Variants in KIF26B observed in about 807,000 individuals in gnomAD.
KIF26B encodes kinesin-like protein KIF26B.
KIF26B carries 63 observed loss-of-function variants against 151.2 expected under a neutral mutation model. The observed-to-expected ratio is 0.42, with a 90% confidence interval of 0.34 to 0.51. The LOEUF (loss-of-function observed/expected upper bound fraction) is 0.51, where lower values mean the gene tolerates loss of function less well. KIF26B is among the 20% of genes least tolerant of loss of function. KIF26B has a pLI of 0.07. For missense variants in KIF26B, 2,813 were observed against 2,913.6 expected (o/e 0.97, Z 0.79); for synonymous variants, 1,357 against 1,262.1 (o/e 1.08, Z -1.59).
intron 9 of KIF26B, among the ~76,000 whole-genome samples, chr1:245,618,574 G>C (rs1483972087): frequency 6.6e-6 from 1 of 150,618 alleles, no homozygotes; most frequent in Non-Finnish European, 1.5e-5. Flanking sequence ...TGTGCTGTTT[G>C]TGAGCTTGTC....
intron 2 of KIF26B, among the ~76,000 whole-genome samples, chr1:245,229,685 A>G (rs542021782): frequency 2.6e-5 from 4 of 152,380 alleles, no homozygotes; most frequent in African/African-American, 9.6e-5. Flanking sequence ...TATTGAAAGT[A>G]CTGATTAAAA....
rs1553334220 is a variant in KIF26B, at chr1:245,202,945, A to AAAAAAC, written c.465+46266_465+46267insACAAAA. 1.1e-4 allele frequency among the ~76,000 whole-genome samples: 17 copies of AAAAAAC among 148,710 alleles called. No individual in the cohort carries two copies. The South Asian group carries it at 1.5e-3, about 13-fold the overall frequency. On this transcript the variant is annotated intron_variant, in intron 2 of 14. Coordinates refer to ENST00000407071, the MANE Select transcript of KIF26B (RefSeq NM_018012.4). Reference sequence around the variant, plus strand: ...GACTAGAGCAAGACTCTGTCTCAAAAAAAACAAAACAAAACAAAAACAAAA... The same window carrying AAAAAAC: ...GACTAGAGCAAGACTCTGTCTCAAAAAAAAACAAAACAAAACAAAACAAAAACAAAA...
intron 2 of KIF26B, among the ~76,000 whole-genome samples, chr1:245,276,705 C>A (rs1321145349): frequency 6.6e-6 from 1 of 152,186 alleles, no homozygotes; most frequent in Non-Finnish European, 1.5e-5. Context: ...AATTTCCCTG[C>A]CAGCTTTGAT....
intron 12 of KIF26B, among the ~76,000 whole-genome samples, chr1:245,695,694 C>A (rs1420685822): frequency 3.9e-4 from 59 of 152,356 alleles, no homozygotes; most frequent in African/African-American, 1.3e-3. Flanking sequence ...TAGATACCCG[C>A]CAGGATATTT....
intron 5 of KIF26B, among the ~76,000 whole-genome samples, chr1:245,586,871 T>C (rs6687417): frequency 0.51 from 74,968 of 146,466 alleles, 20,972 homozygotes; most frequent in African/African-American, 0.77. Flanking sequence ...CCGGCCTGGG[T>C]GACAGAGCGA....
intron 4 of KIF26B, among the ~76,000 whole-genome samples, chr1:245,496,537 A>C (rs1339318586): frequency 6.6e-6 from 1 of 152,218 alleles, no homozygotes; most frequent in Non-Finnish European, 1.5e-5. Context: ...ACATAATGTA[A>C]TCTGTAGAGC....
intron 9 of KIF26B, among the ~76,000 whole-genome samples, chr1:245,638,806 G>A (rs1390187328): frequency 2.0e-5 from 3 of 151,790 alleles, no homozygotes; most frequent in Non-Finnish European, 1.5e-5. Flanking sequence ...TACATATGTT[G>A]AACTATCCTT....
chr1:245,208,540 C>T (rs1022011451), intron 2 of KIF26B, among the ~76,000 whole-genome samples: 3 of 152,118 alleles, frequency 2.0e-5, no homozygotes, highest in Non-Finnish European at 2.9e-5. Flanking sequence ...GTGGCACAGC[C>T]GTGGGTACGT....
intron 2 of KIF26B, among the ~76,000 whole-genome samples, chr1:245,366,271 G>A (rs574055962): frequency 1.3e-5 from 2 of 152,284 alleles, no homozygotes; most frequent in East Asian, 1.9e-4. Flanking sequence ...GGTGGCTCAC[G>A]CCTGTAATCC....
intron 2 of KIF26B, among the ~76,000 whole-genome samples, chr1:245,346,904 C>T (rs535065165): frequency 6.6e-6 from 1 of 152,182 alleles, no homozygotes; most frequent in Non-Finnish European, 1.5e-5. Flanking sequence ...CTTCATGTCT[C>T]TCATTGTCTA....
chr1:245,577,805 T>C (rs1001479937), intron 5 of KIF26B, among the ~76,000 whole-genome samples: 2 of 149,136 alleles, frequency 1.3e-5, no homozygotes, highest in East Asian at 4.0e-4. Context: ...GGAAGAGCTT[T>C]GTGGAACTCC....
intron 2 of KIF26B, among the ~76,000 whole-genome samples, chr1:245,212,242 C>T (rs1669552257): frequency 6.6e-6 from 1 of 152,132 alleles, no homozygotes; most frequent in African/African-American, 2.4e-5. Context: ...CTTTATTGCT[C>T]ATCCCCATTT....
At chr1:245,252,235 C>T (rs970036796) in intron 2 of KIF26B, among the ~76,000 whole-genome samples, 6 of 150,378 alleles carry the variant, frequency 4.0e-5, no homozygotes, top group Admixed American at 1.3e-4. Flanking sequence ...AAGATTGCAC[C>T]TCTGTACTCC....
chr1:245,314,042 C>T (rs1194284920), intron 2 of KIF26B, among the ~76,000 whole-genome samples: 6 of 152,198 alleles, frequency 3.9e-5, no homozygotes, highest in South Asian at 2.1e-4. Context: ...TCCTCACTCA[C>T]GTCCCTCTTT....
intron 2 of KIF26B, among the ~76,000 whole-genome samples, chr1:245,248,584 G>A (rs191600003): frequency 1.6e-4 from 25 of 152,246 alleles, no homozygotes; most frequent in African/African-American, 5.3e-4. Context: ...GATTGTTGAC[G>A]CCAAGAACTA....
chr1:245,571,156 G>T (rs1232174983), intron 5 of KIF26B, among the ~76,000 whole-genome samples: 1 of 152,176 alleles, frequency 6.6e-6, no homozygotes, highest in African/African-American at 2.4e-5. Context: ...TAGTGATTCA[G>T]CAAAACACCT....
chr1:245,626,339 C>T (rs2103168052), intron 9 of KIF26B, among the ~76,000 whole-genome samples: 2 of 151,358 alleles, frequency 1.3e-5, no homozygotes, highest in Middle Eastern at 6.8e-3. Flanking sequence ...TACTAATTTA[C>T]ATTCCCACCA....
At chr1:245,573,610 T>A (rs1374836245) in intron 5 of KIF26B, among the ~76,000 whole-genome samples, 1 of 152,202 alleles carries the variant, frequency 6.6e-6, no homozygotes, top group African/African-American at 2.4e-5. Context: ...ATTGCTTATT[T>A]TTTAACTTAT....
At chr1:245,586,030 T>C (rs2043220307) in intron 5 of KIF26B, among the ~76,000 whole-genome samples, 1 of 152,224 alleles carries the variant, frequency 6.6e-6, no homozygotes, top group Admixed American at 6.5e-5. Flanking sequence ...GGTCTGCCTC[T>C]GTGACCCAGG....
Sources: gnomAD v4.1 joint callset for allele counts (sites outside exome capture counted in the v4.1 genomes callset) on GRCh38, gnomAD v4.1.1 for gene constraint, MANE v1.5 for transcripts, NCBI Gene and HGNC (gene_info 2026-07-23, HGNC 2026-07-21) for gene names.